ADAMTS14: variants seen among roughly 807,000 people sequenced by gnomAD.
ADAMTS14 encodes the protein A disintegrin and metalloproteinase with thrombospondin motifs 14.
A neutral mutation model predicts 128.6 loss-of-function variants in ADAMTS14; 100 were observed. That is an observed-to-expected ratio of 0.78 (90% CI 0.66 to 0.92). The LOEUF (loss-of-function observed/expected upper bound fraction) is 0.92. Among genes scored for constraint, ADAMTS14 ranks in the 40% least tolerant of loss-of-function variants. The pLI is 0.00. For missense variants in ADAMTS14, 1,562 were observed against 1,658.6 expected (o/e 0.94, Z 1.01); for synonymous variants, 665 against 653.8 (o/e 1.02, Z -0.26).
intron 4 of ADAMTS14, among the ~76,000 whole-genome samples, chr10:70,723,762 T>A (rs1166372788): frequency 2.6e-5 from 4 of 152,166 alleles, no homozygotes; most frequent in Non-Finnish European, 5.9e-5. Flanking sequence ...AAGCAGTGAG[T>A]GGACCTTTTA....
At chr10:70,748,372 A>T (rs12358366) in intron 15 of ADAMTS14, among the ~76,000 whole-genome samples, 31,726 of 152,066 alleles carry the variant, frequency 0.21, 4,065 homozygotes, top group Non-Finnish European at 0.29. Context: ...TGGCCTGAGG[A>T]GCTGCCCAGC....
intron 4 of ADAMTS14, among the ~76,000 whole-genome samples, chr10:70,715,504 G>T (rs1246834695): frequency 6.6e-6 from 1 of 152,096 alleles, no homozygotes; most frequent in Non-Finnish European, 1.5e-5. Context: ...CTCTAAGAGG[G>T]TCAGCTCAAA....
chr10:70,688,684 A>G (rs1840070960), intron 2 of ADAMTS14, among the ~76,000 whole-genome samples: 1 of 113,368 alleles, frequency 8.8e-6, no homozygotes, highest in African/African-American at 3.1e-5. Flanking sequence ...CGGCCAACAC[A>G]GCGAAACCCC....
At chr10:70,721,099 ACC>A (rs1399789948) in intron 4 of ADAMTS14, among the ~76,000 whole-genome samples, 2 of 132,674 alleles carry the variant, frequency 1.5e-5, no homozygotes, top group African/African-American at 5.9e-5. Context: ...ATCTCAGCTC[ACC>A]ACAACCTCCA....
chr10:70,705,454 C>A (rs1306152494), intron 3 of ADAMTS14, among the ~76,000 whole-genome samples: 1 of 152,230 alleles, frequency 6.6e-6, no homozygotes, highest in Non-Finnish European at 1.5e-5. Context: ...GCTTTACAAG[C>A]AATTGAGATA....
At chr10:70,697,122 G>A (rs940863406) in intron 2 of ADAMTS14, among the ~76,000 whole-genome samples, 1 of 152,224 alleles carries the variant, frequency 6.6e-6, no homozygotes, top group African/African-American at 2.4e-5. Flanking sequence ...GAGGTGATGG[G>A]GTGATTGGCT....
chr10:70,736,200 C>T (rs541610638), intron 9 of ADAMTS14, among the ~76,000 whole-genome samples: 24 of 152,294 alleles, frequency 1.6e-4, no homozygotes, highest in Admixed American at 1.2e-3. Flanking sequence ...AACGTAAGGT[C>T]ATCAACCTCT....
At chr10:70,688,668 C>T (rs1840069909) in intron 2 of ADAMTS14, among the ~76,000 whole-genome samples, 1 of 113,754 alleles carries the variant, frequency 8.8e-6, no homozygotes, top group African/African-American at 3.1e-5. Context: ...GGGCTGGAGA[C>T]TGGCCCGGCC....
chr10:70,747,248 A>T (rs1842205636), intron 15 of ADAMTS14, among the ~76,000 whole-genome samples: 1 of 152,100 alleles, frequency 6.6e-6, no homozygotes, highest in Non-Finnish European at 1.5e-5. Context: ...GGCCATAGGC[A>T]CAAGGGGAAA....
Position 70,708,690 on chromosome 10 carries a change from T to A in ADAMTS14, c.782T>A (p.Ile261Asn). The A allele has an allele frequency of 1.2e-6, 2 of 1,612,612 alleles. No homozygotes were observed. Among genetic ancestry groups the A allele is most frequent in the South Asian group, 1.1e-5 (1 of 90,984 alleles). ...CATGCCAAGCCAGGCAGCTACAGCA[T>A]CGAGGTGCTGCTGGTGGTGGACGAC... ...RRHAKPGSYS[I>N]EVLLVVDDSV... Residue 261 changes from isoleucine (I) to asparagine (N), a missense_variant, in exon 4 of 22, where the codon ATC (isoleucine) becomes AAC (asparagine). Transcript: ENST00000373207.
Position 70,753,913 on chromosome 10 carries a change from C to G in ADAMTS14, c.2843C>G (p.Pro948Arg), listed in dbSNP as rs116512726. The G allele has an allele frequency of 6.3e-7, 1 of 1,591,118 alleles. No individual in the cohort carries two copies. The highest frequency in any genetic ancestry group is 1.2e-5 in the South Asian group (1 of 86,774). ...PLSNGTHKVM[P>R]AKACAGDRPE... Reference sequence around the variant, plus strand: ...TCCAATGGAACCCACAAGGTCATGCCGGCCAAAGCCTGCGCCGGGGACCGG... The same window carrying G: ...TCCAATGGAACCCACAAGGTCATGCGGGCCAAAGCCTGCGCCGGGGACCGG... The change falls in exon 19 of 22, where the codon CCG becomes CGG. Residue 948 changes from proline to arginine, a missense_variant. Transcript: ENST00000373207.
intron 4 of ADAMTS14, among the ~76,000 whole-genome samples, chr10:70,715,169 A>T (rs930868497): frequency 6.6e-6 from 1 of 152,128 alleles, no homozygotes; most frequent in Admixed American, 6.6e-5. Flanking sequence ...GATTTCTGAC[A>T]ACCTCTTTTC....
chr10:70,739,386 G>GA (rs1476658853), intron 11 of ADAMTS14, among the ~76,000 whole-genome samples: 1 of 152,044 alleles, frequency 6.6e-6, no homozygotes, highest in African/African-American at 2.4e-5. Flanking sequence ...ACCACATGGA[G>GA]AAAATCTCCC....
chr10:70,729,968 G>T, intron 5 of ADAMTS14, 134 bp from the exon 6 acceptor site: 9 of 1,045,120 alleles, frequency 8.6e-6, no homozygotes, highest in Non-Finnish European at 1.2e-5. Context: ...AGTGGGGACA[G>T]CTGGTGATCT....
chr10:70,676,268 AG>A (rs935380547), intron 2 of ADAMTS14, among the ~76,000 whole-genome samples: 9 of 152,216 alleles, frequency 5.9e-5, no homozygotes, highest in Middle Eastern at 3.4e-3. Flanking sequence ...GCATCCCAGG[AG>A]CTGGGGCTAT....
chr10:70,699,351 G>A (rs1250669662), intron 2 of ADAMTS14, among the ~76,000 whole-genome samples: 1 of 152,172 alleles, frequency 6.6e-6, no homozygotes, highest in Non-Finnish European at 1.5e-5. Flanking sequence ...TGAGCGGCAG[G>A]TACTGTTGTT....
chr10:70,719,274 G>A (rs1841168014), intron 4 of ADAMTS14, among the ~76,000 whole-genome samples: 1 of 152,064 alleles, frequency 6.6e-6, no homozygotes, highest in African/African-American at 2.4e-5. Flanking sequence ...ATCTTGGTGT[G>A]AGAGATATGT....
intron 15 of ADAMTS14, among the ~76,000 whole-genome samples, chr10:70,746,724 G>A (rs1386562606): frequency 1.3e-5 from 2 of 152,204 alleles, no homozygotes; most frequent in Admixed American, 6.5e-5. Flanking sequence ...TGAGGCAGGA[G>A]CGTCTCAAAA....
At chr10:70,741,882 G>C (rs984370943) in intron 12 of ADAMTS14, among the ~76,000 whole-genome samples, 2 of 152,180 alleles carry the variant, frequency 1.3e-5, no homozygotes, top group Non-Finnish European at 2.9e-5. Context: ...GCCTCGGCTG[G>C]AAGAGCCCTC....
Sources: gnomAD v4.1 joint callset for allele counts (sites outside exome capture counted in the v4.1 genomes callset) on GRCh38, gnomAD v4.1.1 for gene constraint, MANE v1.5 for transcripts, NCBI Gene and HGNC (gene_info 2026-07-23, HGNC 2026-07-21) for gene names.